The following PIK3AP1 variants were observed in gnomAD, a reference collection of about 807,000 sequenced individuals.
PIK3AP1 encodes the protein phosphoinositide 3-kinase adapter protein 1.
A neutral mutation model predicts 88.1 loss-of-function variants in PIK3AP1; 21 were observed. That is an observed-to-expected ratio of 0.24 (90% CI 0.17 to 0.34). The LOEUF (loss-of-function observed/expected upper bound fraction) is 0.34. Among genes scored for constraint, PIK3AP1 ranks in the 10% least tolerant of loss-of-function variants. PIK3AP1 has a pLI of 1.00. For missense variants in PIK3AP1, 828 were observed against 1,035.7 expected, an observed-to-expected ratio of 0.80 and a Z score of 2.75; for synonymous variants, 398 against 400.0, an observed-to-expected ratio of 1.00 and a Z score of 0.06.
At chr10:96,662,745 G>A (rs1324677350) in intron 2 of PIK3AP1, among the ~76,000 whole-genome samples, 24 of 150,262 alleles carry the variant, frequency 1.6e-4, no homozygotes, top group African/African-American at 5.1e-4. Context: ...AGCCGGGCGC[G>A]GTGGCGGGCG....
intron 13 of PIK3AP1, 46 bp downstream of exon 13, chr10:96,616,584 GACAACAGAT>G: frequency 1.3e-6 from 2 of 1,580,404 alleles, no homozygotes; most frequent in Non-Finnish European, 1.7e-6. Context: ...GAGAGTCAAG[GACAACAGAT>G]GACAGCAATG....
intron 2 of PIK3AP1, among the ~76,000 whole-genome samples, chr10:96,658,317 C>G (rs1843642796): frequency 6.6e-6 from 1 of 152,052 alleles, no homozygotes; most frequent in South Asian, 2.1e-4. Flanking sequence ...AGAAAATTGG[C>G]CTCTGCAGAG....
chr10:96,641,147 G>A (rs1438749274), intron 8 of PIK3AP1, among the ~76,000 whole-genome samples: 1 of 148,656 alleles, frequency 6.7e-6, no homozygotes, highest in African/African-American at 2.5e-5. Context: ...ATACACCCAC[G>A]CAAGCAAGTT....
intron 3 of PIK3AP1, among the ~76,000 whole-genome samples, chr10:96,656,275 C>G (rs954213556): frequency 6.6e-6 from 1 of 152,200 alleles, no homozygotes; most frequent in African/African-American, 2.4e-5. Flanking sequence ...GTAATGTATG[C>G]CCCACCCCTG....
intron 2 of PIK3AP1, among the ~76,000 whole-genome samples, chr10:96,659,375 T>C (rs943050198): frequency 6.6e-6 from 1 of 152,164 alleles, no homozygotes; most frequent in Non-Finnish European, 1.5e-5. Flanking sequence ...TTACCTATTC[T>C]AGTATATCAC....
Position 96,620,445 on chromosome 10 carries a change from C to T in PIK3AP1, c.1848G>A (p.Lys616=). ...RQLITLQEQV[K]LGIVNVDEAV... ...CCTCATCCACGTTGACAATGCCCAGCTTCACCTGCTCCTGGAGGGTGATAA... is the reference window on the plus strand; with the variant it reads ...CCTCATCCACGTTGACAATGCCCAGTTTCACCTGCTCCTGGAGGGTGATAA... Residue 616 remains lysine, a synonymous_variant, in exon 12 of 17, where the codon AAG becomes AAA. Transcript: ENST00000339364. The T allele has an allele frequency of 6.2e-7, 1 of 1,614,184 alleles. No homozygotes were observed. Among genetic ancestry groups the T allele is most frequent in the Admixed American group, 1.7e-5 (1 of 60,026 alleles).
At chr10:96,626,994 G>C (rs868444130) in intron 9 of PIK3AP1, 89 bp from the exon 10 acceptor site, 6 of 1,256,574 alleles carry the variant, frequency 4.8e-6, no homozygotes, top group Middle Eastern at 3.7e-4. Context: ...ACCTTACTTT[G>C]TTTCCTCAGT....
intron 12 of PIK3AP1, 140 bp from the exon 13 acceptor site, chr10:96,616,851 G>A (rs149457335): frequency 1.7e-5 from 13 of 768,238 alleles, no homozygotes; most frequent in Non-Finnish European, 2.2e-5. Flanking sequence ...GAGGCTCAGC[G>A]CATTCACAGT....
chr10:96,719,837 A>C (rs1202022261), intron 1 of PIK3AP1, among the ~76,000 whole-genome samples: 1 of 152,178 alleles, frequency 6.6e-6, no homozygotes, highest in Non-Finnish European at 1.5e-5. Flanking sequence ...TTCAAGGAAT[A>C]GTGTTCCTAG....
chr10:96,612,792 T>A, intron 13 of PIK3AP1, among the ~76,000 whole-genome samples: 1 of 151,558 alleles, frequency 6.6e-6, no homozygotes, highest in Non-Finnish European at 1.5e-5. Context: ...TTCCTCCCTG[T>A]CTCACTTCTC....
chr10:96,683,174 A>G (rs1844025234), intron 2 of PIK3AP1, among the ~76,000 whole-genome samples: 1 of 152,258 alleles, frequency 6.6e-6, no homozygotes, highest in Non-Finnish European at 1.5e-5. Context: ...CTAAAAATAA[A>G]TAAATAAAAC....
chr10:96,649,190 C>G (rs7081264), intron 6 of PIK3AP1, among the ~76,000 whole-genome samples: 102,933 of 151,918 alleles, frequency 0.68, 35,085 homozygotes, highest in African/African-American at 0.71. Flanking sequence ...AGGATTACAG[C>G]TGTGCATCAC....
chr10:96,716,850 G>T (rs1405777715), intron 1 of PIK3AP1, among the ~76,000 whole-genome samples: 1 of 152,170 alleles, frequency 6.6e-6, no homozygotes, highest in African/African-American at 2.4e-5. Flanking sequence ...TCAAGAACAG[G>T]TTTGGCTACA....
chr10:96,680,111 A>T (rs1362709496), intron 2 of PIK3AP1, among the ~76,000 whole-genome samples: 2 of 152,118 alleles, frequency 1.3e-5, no homozygotes, highest in Non-Finnish European at 2.9e-5. Context: ...TGGTGCATAA[A>T]TGGTTCCAAG....
chr10:96,668,026 TTA>T (rs1843789594), intron 2 of PIK3AP1, among the ~76,000 whole-genome samples: 1 of 152,236 alleles, frequency 6.6e-6, no homozygotes, highest in Non-Finnish European at 1.5e-5. Context: ...AAGTTTCCTT[TTA>T]AAATATACTT....
intron 8 of PIK3AP1, among the ~76,000 whole-genome samples, chr10:96,640,862 T>C (rs1330227444): frequency 2.0e-5 from 3 of 152,086 alleles, no homozygotes; most frequent in Non-Finnish European, 4.4e-5. Flanking sequence ...GAGATCTTGC[T>C]ATGCTGCCCA....
At chr10:96,668,868 A>G (rs544108732) in intron 2 of PIK3AP1, among the ~76,000 whole-genome samples, 1 of 152,276 alleles carries the variant, frequency 6.6e-6, no homozygotes, top group African/African-American at 2.4e-5. Flanking sequence ...AGTGGCTCAC[A>G]CCTGTAATCC....
chr10:96,681,295 C>T (rs573489759), intron 2 of PIK3AP1, among the ~76,000 whole-genome samples: 1 of 152,290 alleles, frequency 6.6e-6, no homozygotes, highest in South Asian at 2.1e-4. Context: ...ACTCTATCTC[C>T]AAATCCAGTC....
At chr10:96,712,174 C>T (rs988028172) in intron 1 of PIK3AP1, among the ~76,000 whole-genome samples, 16 of 152,290 alleles carry the variant, frequency 1.1e-4, no homozygotes, top group African/African-American at 3.4e-4. Flanking sequence ...CAGTAGACTT[C>T]TTAGCAGGAG....
Sources: gnomAD v4.1 joint callset for allele counts (sites outside exome capture counted in the v4.1 genomes callset) on GRCh38, gnomAD v4.1.1 for gene constraint, MANE v1.5 for transcripts, NCBI Gene and HGNC (gene_info 2026-07-23, HGNC 2026-07-21) for gene names.